The following PACRG variants were observed in gnomAD, a reference collection of about 807,000 sequenced individuals.
PACRG encodes the protein parkin coregulated.
A neutral mutation model predicts 29.7 loss-of-function variants in PACRG; 29 were observed. The ratio of observed to expected loss-of-function variants is 0.98; its 90% CI spans 0.73 to 1.33. The LOEUF is 1.33. PACRG is among the 40% of genes most tolerant of loss of function. The pLI is 0.00. For missense variants in PACRG, 279 were observed against 316.2 expected (o/e 0.88, Z 0.89); for synonymous variants, 116 against 118.7 (o/e 0.98, Z 0.15).
chr6:163,170,765 C>G (rs1221229262), intron 4 of PACRG: 1 of 152,194 alleles, frequency 6.6e-6, no homozygotes, highest in Admixed American at 6.5e-5. Context: ...AACTCTCAGC[C>G]GATTCACTGA....
chr6:163,204,882 A>G (rs566866729), intron 4 of PACRG, among the ~76,000 whole-genome samples: 1 of 152,350 alleles, frequency 6.6e-6, no homozygotes, highest in South Asian at 2.1e-4. Context: ...TTCAGGATAT[A>G]AAATCAATGT....
At chr6:162,954,795 T>C (rs992103130) in intron 2 of PACRG, among the ~76,000 whole-genome samples, 1 of 152,192 alleles carries the variant, frequency 6.6e-6, no homozygotes, top group Non-Finnish European at 1.5e-5. Context: ...AGCAAGTGTA[T>C]TTTTTTGTCT....
rs530636444 is a variant in PACRG, at chr6:163,110,916, A to G, written c.613+21508A>G. Among the ~76,000 whole-genome samples, 25 of 152,298 alleles carry G rather than the reference A, an allele frequency of 1.6e-4. No homozygotes were observed. In the South Asian group the frequency reaches 5.0e-3, roughly 30 times the overall value. The stretch of plus-strand genomic sequence containing the variant: ...ATTCAGTCCGTCTGTGTGTTTCTTC[A>G]TCTAGCAAGTAGGAAGGAGAAACAC... On this transcript the variant is annotated intron_variant, in intron 4 of 4. Transcript: ENST00000366888.
At chr6:163,035,029 G>A (rs1050176386) in intron 2 of PACRG, among the ~76,000 whole-genome samples, 10 of 152,304 alleles carry the variant, frequency 6.6e-5, no homozygotes, top group African/African-American at 2.4e-4. Flanking sequence ...ACTTCCTGAT[G>A]TTGCCATGGT....
chr6:163,269,891 AAAC>A lies in PACRG; in HGVS notation c.614-44933_614-44931del, dbSNP rs1290973013. 9.3e-5 allele frequency among the ~76,000 whole-genome samples: 2 copies of A among 21,420 alleles called. 1 individual carries two copies. Among genetic ancestry groups the A allele is most frequent in the Non-Finnish European group, 1.9e-4 (2 of 10,678 alleles). The allele number at this position is 21,420 out of a possible 152,430, so 14.1% of individuals were successfully genotyped here. On this transcript the variant is annotated intron_variant, in intron 4 of 4. Coordinates refer to ENST00000366888, the MANE Select transcript of PACRG (RefSeq NM_001080379.2). ...AGAGAAAGAAAGAAAGAAAGAAAGA[AAAC>A]AAAGAAAGAAAGAAAGAAAGAAAGA... is the stretch of plus-strand genomic sequence containing the variant.
chr6:163,302,221 T>C (rs1391895554), intron 4 of PACRG, among the ~76,000 whole-genome samples: 2 of 151,830 alleles, frequency 1.3e-5, no homozygotes, highest in Non-Finnish European at 2.9e-5. Context: ...TTAGATACTG[T>C]TCTCTCTCTC....
intron 2 of PACRG, among the ~76,000 whole-genome samples, chr6:162,986,082 A>G (rs1802860653): frequency 6.6e-6 from 1 of 152,186 alleles, no homozygotes. Flanking sequence ...GCAAATGGAA[A>G]CACATCCCAT....
At chr6:163,248,431 CAAAA>C (rs199676766) in intron 4 of PACRG, among the ~76,000 whole-genome samples, 3 of 109,666 alleles carry the variant, frequency 2.7e-5, no homozygotes. Context: ...ATATTTTATG[CAAAA>C]AAAAAAAAAA....
intron 4 of PACRG, among the ~76,000 whole-genome samples, chr6:163,209,250 T>C (rs191695502): frequency 6.6e-6 from 1 of 152,316 alleles, no homozygotes; most frequent in Admixed American, 6.5e-5. Context: ...GTAGCCTTAA[T>C]AAAGAATAGT....
intron 2 of PACRG, among the ~76,000 whole-genome samples, chr6:163,016,448 T>A (rs927288218): frequency 2.2e-4 from 33 of 151,842 alleles, no homozygotes; most frequent in Admixed American, 1.8e-3. Flanking sequence ...TTTTTTTTTT[T>A]ATTCCTCAAA....
At chr6:163,077,532 C>T (rs1812661071) in intron 3 of PACRG, among the ~76,000 whole-genome samples, 1 of 152,084 alleles carries the variant, frequency 6.6e-6, no homozygotes, top group Non-Finnish European at 1.5e-5. Context: ...GAATCCATAT[C>T]ACAATACAAA....
At chr6:162,940,717 T>C (rs1257818240) in intron 2 of PACRG, among the ~76,000 whole-genome samples, 1 of 152,210 alleles carries the variant, frequency 6.6e-6, no homozygotes, top group Non-Finnish European at 1.5e-5. Context: ...AAGTGACAGT[T>C]GCTTTTTCTG....
chr6:163,031,385 TC>T (rs1173073573), intron 2 of PACRG, among the ~76,000 whole-genome samples: 1 of 152,190 alleles, frequency 6.6e-6, no homozygotes, highest in East Asian at 1.9e-4. Flanking sequence ...ACATTACCCA[TC>T]CCTCTTGTTT....
chr6:162,799,429 T>A (rs1467406829), intron 1 of PACRG, among the ~76,000 whole-genome samples: 1 of 152,144 alleles, frequency 6.6e-6, no homozygotes, highest in Non-Finnish European at 1.5e-5. Flanking sequence ...TCCAATCTAG[T>A]GTTTCTTATT....
chr6:162,977,549 C>T (rs929096328), intron 2 of PACRG, among the ~76,000 whole-genome samples: 1 of 151,986 alleles, frequency 6.6e-6, no homozygotes, highest in East Asian at 1.9e-4. Flanking sequence ...CGAACCCCAT[C>T]CCACCCTTCT....
At chr6:163,040,627 C>T (rs1304641338) in intron 2 of PACRG, among the ~76,000 whole-genome samples, 3 of 152,242 alleles carry the variant, frequency 2.0e-5, no homozygotes, top group Non-Finnish European at 4.4e-5. Context: ...CCTCTTTCAT[C>T]AGCATGCCCT....
rs1359595069 is a variant in PACRG at position 163,112,958 on chromosome 6, A to G, written c.613+23550A>G. ...CTAGACAAAGGCTTTAAAAACAACT[A>G]TCTTAAAGATACTCAAAGAACTAAA... On this transcript the variant is annotated intron_variant, in intron 4 of 4. Transcript: ENST00000366888. Among the ~76,000 whole-genome samples, 5 of 152,234 alleles carry G rather than the reference A, an allele frequency of 3.3e-5. 1 individual carries two copies. Among genetic ancestry groups the G allele is most frequent in the Admixed American group, 2.0e-4 (3 of 15,284 alleles).
chr6:163,288,004 G>T (rs7764754), intron 4 of PACRG, among the ~76,000 whole-genome samples: 113,746 of 152,128 alleles, frequency 0.75, 43,269 homozygotes, highest in African/African-American at 0.9. Context: ...CCGGGTTCTT[G>T]CTTTTCTTTT....
intron 4 of PACRG, among the ~76,000 whole-genome samples, chr6:163,207,941 T>A (rs976630206): frequency 6.6e-6 from 1 of 152,212 alleles, no homozygotes; most frequent in Non-Finnish European, 1.5e-5. Context: ...GGATACCATA[T>A]GGATGTCGCT....
Sources: allele counts gnomAD v4.1 joint callset (sites outside exome capture counted in the v4.1 genomes callset), GRCh38; gene constraint gnomAD v4.1.1; transcripts MANE v1.5; gene names NCBI Gene and HGNC (gene_info 2026-07-23, HGNC 2026-07-21).